The following DMC1 variants were observed in gnomAD, a reference collection of about 807,000 sequenced individuals.
DMC1 encodes the protein meiotic recombination protein DMC1 homolog.
In DMC1, 27 loss-of-function variants were observed where a neutral mutation model predicts 50.1. The ratio of observed to expected loss-of-function variants is 0.54; its 90% CI spans 0.40 to 0.74. The LOEUF (loss-of-function observed/expected upper bound fraction) is 0.74. Ranked by LOEUF, DMC1 falls within the 30% of genes least tolerant of loss-of-function variation. DMC1 has a pLI of 0.00. For synonymous variants in DMC1, 148 were observed against 136.1 expected (o/e 1.09, Z -0.61); for missense variants, 295 against 420.2 (o/e 0.70, Z 2.60).
intron 1 of DMC1, among the ~76,000 whole-genome samples, chr22:38,569,670 G>A (rs1445607327): frequency 2.6e-5 from 4 of 152,216 alleles, no homozygotes; most frequent in Non-Finnish European, 5.9e-5. Context: ...ATTGAAAGTA[G>A]GGCTCCCCAA....
chr22:38,522,199 C>T (rs897192046), intron 12 of DMC1, among the ~76,000 whole-genome samples: 1 of 151,134 alleles, frequency 6.6e-6, no homozygotes. Context: ...GATCTGCCCG[C>T]CTGGGCCTCC....
intron 11 of DMC1, 62 bp downstream of exon 11, chr22:38,538,233 C>T: frequency 7.2e-7 from 1 of 1,382,712 alleles, no homozygotes; most frequent in Non-Finnish European, 1.0e-6. Flanking sequence ...ATATTCCAAG[C>T]TTCTCTGCAA....
At chr22:38,543,720 T>C (rs552186657) in intron 8 of DMC1, among the ~76,000 whole-genome samples, 3 of 152,292 alleles carry the variant, frequency 2.0e-5, no homozygotes, top group African/African-American at 7.2e-5. Context: ...TCTGTTCCCC[T>C]GGTCATCTAC....
intron 5 of DMC1, among the ~76,000 whole-genome samples, chr22:38,557,100 C>T (rs1465191692): frequency 6.6e-6 from 1 of 152,146 alleles, no homozygotes; most frequent in Non-Finnish European, 1.5e-5. Context: ...TAAACGTGTG[C>T]CATGGTGGTT....
chr22:38,521,837 A>G (rs1019744534), intron 12 of DMC1, 113 bp from the exon 13 acceptor site: 1 of 813,114 alleles, frequency 1.2e-6, no homozygotes, highest in Non-Finnish European at 2.2e-6. Flanking sequence ...ATAAGTGTAT[A>G]TTCTAAACAA....
chr22:38,551,952 C>T (rs1001305601), intron 7 of DMC1, among the ~76,000 whole-genome samples: 1 of 151,330 alleles, frequency 6.6e-6, no homozygotes, highest in Non-Finnish European at 1.5e-5. Flanking sequence ...GCTCCGCCTC[C>T]CGGGTTCACG....
chr22:38,548,584 A>G (rs1371361285), intron 8 of DMC1, among the ~76,000 whole-genome samples: 1 of 152,178 alleles, frequency 6.6e-6, no homozygotes, highest in African/African-American at 2.4e-5. Flanking sequence ...AAAAGAAGAA[A>G]AAAATTAGGC....
At chr22:38,545,296 A>T (rs1411225835) in intron 8 of DMC1, among the ~76,000 whole-genome samples, 1 of 152,134 alleles carries the variant, frequency 6.6e-6, no homozygotes, top group Non-Finnish European at 1.5e-5. Context: ...CTGTAGTCCC[A>T]GTTACTTGAG....
chr22:38,530,113 C>A (rs924260481), intron 12 of DMC1, among the ~76,000 whole-genome samples: 1 of 151,864 alleles, frequency 6.6e-6, no homozygotes, highest in Non-Finnish European at 1.5e-5. Flanking sequence ...ATTACAGGAA[C>A]CCCCCACCAC....
chr22:38,547,090 C>A (rs995225280), intron 8 of DMC1, among the ~76,000 whole-genome samples: 1 of 152,158 alleles, frequency 6.6e-6, no homozygotes, highest in Non-Finnish European at 1.5e-5. Flanking sequence ...TTGGTAGAGA[C>A]AGAGTCTTGC....
intron 8 of DMC1, among the ~76,000 whole-genome samples, chr22:38,539,916 CT>C (rs2090262075): frequency 6.6e-6 from 1 of 152,132 alleles, no homozygotes; most frequent in African/African-American, 2.4e-5. Flanking sequence ...CTTCATACCC[CT>C]CATTCCTCAA....
intron 5 of DMC1, among the ~76,000 whole-genome samples, chr22:38,561,647 G>T (rs1415714507): frequency 2.0e-5 from 3 of 152,148 alleles, no homozygotes; most frequent in Admixed American, 2.0e-4. Flanking sequence ...TCAAGTGGAG[G>T]TATATTTGAC....
intron 5 of DMC1, among the ~76,000 whole-genome samples, chr22:38,559,971 T>A (rs990033854): frequency 1.5e-4 from 23 of 151,606 alleles, no homozygotes; most frequent in African/African-American, 5.6e-4. Flanking sequence ...TGAGCTGAGA[T>A]CATGCCACTG....
intron 8 of DMC1, among the ~76,000 whole-genome samples, chr22:38,548,682 T>C (rs184527828): frequency 1.1e-3 from 167 of 152,230 alleles, no homozygotes; most frequent in African/African-American, 3.9e-3. Flanking sequence ...AAAACCAGCC[T>C]GGCCAACATG....
At chr22:38,544,882 T>C (rs1018431388) in intron 8 of DMC1, among the ~76,000 whole-genome samples, 14 of 151,850 alleles carry the variant, frequency 9.2e-5, no homozygotes, top group African/African-American at 3.4e-4. Flanking sequence ...TCTGCCCACC[T>C]TGGCCTCCCA....
rs534563692 is a variant in DMC1 at position 38,568,442 on chromosome 22, C to T, written c.-33-153G>A. ...TATCTTCTTTCTGCGAGACATGTGA[C>T]ATTATTTCTTGTGTGTGTGTGTGTG... On this transcript the variant is annotated intron_variant, in intron 1 of 13. Transcript: ENST00000216024. 1,601 of 641,180 alleles carry T rather than the reference C, an allele frequency of 2.5e-3. 4 individuals carry two copies. The highest frequency in any genetic ancestry group is 3.4e-3 in the South Asian group (185 of 55,092). 39.7% of individuals were successfully genotyped at this position (641,180 alleles called of 1,614,324 possible). A position where few individuals can be genotyped will look rare whatever the true frequency, so the allele number is the denominator to read the frequency against.
chr22:38,518,055 C>T (rs1460417615), downstream of DMC1, among the ~76,000 whole-genome samples: 1 of 152,020 alleles, frequency 6.6e-6, no homozygotes, highest in Non-Finnish European at 1.5e-5. Context: ...TCACTGCAAC[C>T]TCCGCCTCCT....
intron 3 of DMC1, among the ~76,000 whole-genome samples, chr22:38,567,097 C>T (rs534224673): frequency 6.6e-6 from 1 of 152,246 alleles, no homozygotes; most frequent in South Asian, 2.1e-4. Flanking sequence ...CCAACATGTT[C>T]TTTTAAATTT....
rs2090000195 is a variant in DMC1 at position 38,519,454 on chromosome 22, G to T, written c.*566C>A. The T allele has an allele frequency of 2.6e-5, 4 of 153,424 alleles. No individual in the cohort carries two copies. In the South Asian group the frequency reaches 8.1e-4, roughly 31 times the overall value. 9.5% of individuals were successfully genotyped at this position (153,424 alleles called of 1,614,324 possible). Reference sequence around the variant, plus strand: ...AATGTCTGTTTTCTGTTGCTATAAAGGTGAATATGCAGTTTGATATTATAA... The same window carrying T: ...AATGTCTGTTTTCTGTTGCTATAAATGTGAATATGCAGTTTGATATTATAA... On this transcript the variant is annotated 3_prime_UTR_variant, in exon 14 of 14. Transcript: ENST00000216024.
Sources: allele counts gnomAD v4.1 joint callset (sites outside exome capture counted in the v4.1 genomes callset), GRCh38; gene constraint gnomAD v4.1.1; transcripts MANE v1.5; gene names NCBI Gene and HGNC (gene_info 2026-07-23, HGNC 2026-07-21).